RNFT2: variants seen among roughly 807,000 people sequenced by gnomAD.
RNFT2 encodes ring finger protein, transmembrane 2.
A neutral mutation model predicts 53.0 loss-of-function variants in RNFT2; 36 were observed. The observed-to-expected ratio is 0.68, with a 90% CI of 0.52 to 0.90. The LOEUF (loss-of-function observed/expected upper bound fraction) is 0.90. Ranked by LOEUF, RNFT2 falls within the 40% of genes least tolerant of loss-of-function variation. The pLI is 0.00. For missense variants in RNFT2, 514 were observed against 585.6 expected, an observed-to-expected ratio of 0.88 and a Z score of 1.26; for synonymous variants, 260 against 253.2, an observed-to-expected ratio of 1.03 and a Z score of -0.26.
chr12:116,823,946 G>A (rs955415051), intron 7 of RNFT2, among the ~76,000 whole-genome samples: 2 of 152,124 alleles, frequency 1.3e-5, no homozygotes, highest in African/African-American at 4.8e-5. Context: ...GAAGTGACTT[G>A]CCCCAGGTAA....
At chr12:116,815,119 G>A (rs930945677) in intron 7 of RNFT2, among the ~76,000 whole-genome samples, 4 of 152,112 alleles carry the variant, frequency 2.6e-5, no homozygotes, top group African/African-American at 9.7e-5. Context: ...CCTAGTAGTA[G>A]TAGATGTAGT....
chr12:116,831,678 G>A (rs551010481), intron 7 of RNFT2, among the ~76,000 whole-genome samples: 63 of 152,024 alleles, frequency 4.1e-4, no homozygotes, highest in Non-Finnish European at 8.1e-4. Context: ...TTACAGATAT[G>A]GATGCTTGGG....
rs1871885300 is a variant in RNFT2 at position 116,746,170 on chromosome 12, G to C, written c.84-3671G>C. 1.3e-5 allele frequency among the ~76,000 whole-genome samples: 2 copies of C among 152,188 alleles called. 1 individual carries two copies. Among genetic ancestry groups the C allele is most frequent in the African/African-American group, 4.8e-5 (2 of 41,446 alleles). On this transcript the variant is annotated intron_variant, in intron 3 of 10. Coordinates refer to ENST00000257575, the MANE Select transcript of RNFT2 (RefSeq NM_001382266.1). ...AAGAATCACTTGAGCCCGGGAGGCA[G>C]AGGTTGCAGTGAGCCGAGATCGCGC...
Position 116,841,924 on chromosome 12 carries a change from TATATATATATAA to T in RNFT2, c.1200+5666_1200+5677del, listed in dbSNP as rs1259515416. On this transcript the variant is annotated intron_variant, in intron 10 of 10. Coordinates refer to ENST00000257575, the MANE Select transcript of RNFT2 (RefSeq NM_001382266.1). ...ATATATATAAATATATATATAAAAA[TATATATATATAA>T]ATATATATATAAATATATATATAGA... 2.1e-4 allele frequency among the ~76,000 whole-genome samples: 7 copies of T among 34,058 alleles called. No homozygotes were observed. The South Asian group carries it at 2.8e-3, about 14-fold the overall frequency. 22.3% of individuals were successfully genotyped at this position (34,058 alleles called of 152,430 possible). A position where few individuals can be genotyped will look rare whatever the true frequency, so the allele number is the denominator to read the frequency against.
intron 6 of RNFT2, among the ~76,000 whole-genome samples, chr12:116,771,579 G>T (rs1365147674): frequency 7.0e-6 from 1 of 142,530 alleles, no homozygotes; most frequent in African/African-American, 2.6e-5. Context: ...TTTTTACATA[G>T]TAATAGCAGT....
intron 10 of RNFT2, among the ~76,000 whole-genome samples, chr12:116,847,305 T>A (rs1877668094): frequency 6.6e-6 from 1 of 152,094 alleles, no homozygotes; most frequent in Non-Finnish European, 1.5e-5. Context: ...TAGCTGGCAT[T>A]TTTTTTGCCA....
Position 116,836,358 on chromosome 12 carries a change from G to A in RNFT2, c.1200+76G>A, listed in dbSNP as rs115202548. 4.0e-4 allele frequency: 507 copies of A among 1,259,626 alleles called. 3 individuals carry two copies. In the African/African-American group the frequency reaches 6.9e-3, roughly 17 times the overall value. The allele number at this position is 1,259,626 out of a possible 1,614,324, so 78.0% of individuals were successfully genotyped here. On this transcript the variant is annotated intron_variant, in intron 10 of 10. Coordinates refer to ENST00000257575, the MANE Select transcript of RNFT2 (RefSeq NM_001382266.1). The stretch of plus-strand genomic sequence containing the variant: ...GGACCCTTCCCCATGGGCAGTCCTC[G>A]GGTCTCTGGCATGGGTCTCTGGGGG...
In RNFT2 at chr12:116,850,078, C is replaced by T. The variant is rs1212386490; in HGVS notation, c.*630C>T. On this transcript the variant is annotated 3_prime_UTR_variant, in exon 11 of 11. Coordinates refer to ENST00000257575, the MANE Select transcript of RNFT2 (RefSeq NM_001382266.1). ...CAGGCTGGTCTCCAACTCTTGACCT[C>T]AAATGATCAGCTCGCCTCAGCCTCA... 6.6e-6 allele frequency: 1 copy of T among 151,284 alleles called. No individual in the cohort carries two copies. Among genetic ancestry groups the T allele is most frequent in the African/African-American group, 2.4e-5 (1 of 41,188 alleles). The allele number at this position is 151,284 out of a possible 1,614,324, so 9.4% of individuals were successfully genotyped here.
chr12:116,776,646 A>C (rs891765049), intron 6 of RNFT2, among the ~76,000 whole-genome samples: 5 of 152,160 alleles, frequency 3.3e-5, no homozygotes, highest in African/African-American at 1.2e-4. Context: ...TAGAGGCCTC[A>C]TTTTGCACCT....
intron 7 of RNFT2, among the ~76,000 whole-genome samples, chr12:116,818,161 G>A (rs1360532110): frequency 1.3e-5 from 2 of 151,906 alleles, no homozygotes; most frequent in African/African-American, 4.8e-5. Context: ...TACAAAAAAA[G>A]TCTTTAAAAA....
At chr12:116,847,017 T>C (rs1877653341) in intron 10 of RNFT2, among the ~76,000 whole-genome samples, 1 of 151,686 alleles carries the variant, frequency 6.6e-6, no homozygotes, top group African/African-American at 2.4e-5. Context: ...CAAACGATTC[T>C]CCTGCCTTAG....
chr12:116,756,484 TTACACTAA>T lies in RNFT2; in HGVS notation c.627+2425_627+2432del, dbSNP rs1193455633. Among the ~76,000 whole-genome samples, 70 of 152,302 alleles carry T rather than the reference TTACACTAA, an allele frequency of 4.6e-4. 2 individuals carry two copies. In the South Asian group the frequency reaches 0.014, roughly 31 times the overall value. On this transcript the variant is annotated intron_variant, in intron 5 of 10. Coordinates refer to ENST00000257575, the MANE Select transcript of RNFT2 (RefSeq NM_001382266.1). ...GTGGGTTTATCATAGATGGCTTTTA[TTACACTAA>T]GGTATGTCCCTTGTATGCCATTTTG...
At chr12:116,823,365 C>T (rs1033178671) in intron 7 of RNFT2, among the ~76,000 whole-genome samples, 21 of 152,182 alleles carry the variant, frequency 1.4e-4, no homozygotes, top group Admixed American at 3.9e-4. Context: ...CACTTTAACC[C>T]TGTTTTCATG....
chr12:116,752,993 G>A lies in RNFT2; in HGVS notation c.551-991G>A, dbSNP rs1410324619. On this transcript the variant is annotated intron_variant, in intron 4 of 10. Transcript: ENST00000257575. Reference sequence around the variant, plus strand: ...TTCCAAGATTGTAGCTTGGCAAACAGTGGCAATGAAATGACTGGTGGAAGA... The same window carrying A: ...TTCCAAGATTGTAGCTTGGCAAACAATGGCAATGAAATGACTGGTGGAAGA... 2.0e-5 allele frequency among the ~76,000 whole-genome samples: 3 copies of A among 152,154 alleles called. No individual in the cohort carries two copies. In the East Asian group the frequency reaches 5.8e-4, roughly 29 times the overall value.
At chr12:116,748,230 T>C (rs1872005482) in intron 3 of RNFT2, among the ~76,000 whole-genome samples, 1 of 151,890 alleles carries the variant, frequency 6.6e-6, no homozygotes, top group Non-Finnish European at 1.5e-5. Flanking sequence ...AACCCGAGAA[T>C]AGAAAGATGG....
intron 10 of RNFT2, among the ~76,000 whole-genome samples, chr12:116,841,845 AAATATATATAAAAATATATATAT>A: frequency 4.2e-5 from 1 of 23,750 alleles, no homozygotes; most frequent in Non-Finnish European, 9.7e-5. Flanking sequence ...ATATATATAT[AAATATATATAAAAATATATATAT>A]AAATATATAT....
rs150260558 is a variant in RNFT2 at position 116,812,053 on chromosome 12, G to T, written c.883-21739G>T. ...GTTACCTGGCTCCAGGAGGAGCCCGGTGAGGAACAAATGAGGTCATGAGGT... is the reference window on the plus strand; with the variant it reads ...GTTACCTGGCTCCAGGAGGAGCCCGTTGAGGAACAAATGAGGTCATGAGGT... On this transcript the variant is annotated intron_variant, in intron 7 of 10. Coordinates refer to ENST00000257575, the MANE Select transcript of RNFT2 (RefSeq NM_001382266.1). Among the ~76,000 whole-genome samples, 240 of 152,232 alleles carry T rather than the reference G, an allele frequency of 1.6e-3. 1 individual carries two copies. Among genetic ancestry groups the T allele is most frequent in the African/African-American group, 5.3e-3 (220 of 41,538 alleles).
Position 116,744,099 on chromosome 12 carries a change from G to A in RNFT2, c.83+3005G>A, listed in dbSNP as rs868565074. Among the ~76,000 whole-genome samples, 14 of 152,018 alleles carry A rather than the reference G, an allele frequency of 9.2e-5. No individual in the cohort carries two copies. In the Middle Eastern group the frequency reaches 0.014, roughly 148 times the overall value. ...AAAATTAGCCAGTGTGGTGGCAGAT[G>A]CCTGTAGTCCCAGCTACCCAGGAGG... On this transcript the variant is annotated intron_variant, in intron 3 of 10. Transcript: ENST00000257575.
At chr12:116,781,507 G>A (rs138926826) in intron 7 of RNFT2, among the ~76,000 whole-genome samples, 109 of 152,164 alleles carry the variant, frequency 7.2e-4, no homozygotes, top group African/African-American at 2.5e-3. Context: ...GTTTTACTGC[G>A]GTGAAAACAG....
Sources: gnomAD v4.1 joint callset for allele counts (sites outside exome capture counted in the v4.1 genomes callset) on GRCh38, gnomAD v4.1.1 for gene constraint, MANE v1.5 for transcripts, NCBI Gene and HGNC (gene_info 2026-07-23, HGNC 2026-07-21) for gene names.